GUCY1A2: variants seen among roughly 807,000 people sequenced by gnomAD.
GUCY1A2 encodes the protein guanylate cyclase soluble subunit alpha-2.
Under a neutral mutation model 63.5 loss-of-function variants are expected in GUCY1A2, and 27 were observed. The ratio of observed to expected loss-of-function variants is 0.43; its 90% CI spans 0.31 to 0.59. The LOEUF (loss-of-function observed/expected upper bound fraction) is 0.59, where lower values mean the gene tolerates loss of function less well. GUCY1A2 is among the 20% of genes least tolerant of loss of function. The pLI is 0.11. For synonymous variants in GUCY1A2, 364 were observed against 343.5 expected, an observed-to-expected ratio of 1.06 and a Z score of -0.66; for missense variants, 768 against 913.3, an observed-to-expected ratio of 0.84 and a Z score of 2.05.
intron 6 of GUCY1A2, among the ~76,000 whole-genome samples, chr11:106,775,927 G>A (rs1591271564): frequency 6.6e-6 from 1 of 152,210 alleles, no homozygotes; most frequent in East Asian, 1.9e-4. Context: ...CAACACACCA[G>A]GATCTGGACT....
chr11:106,699,198 G>T (rs1256305434), intron 7 of GUCY1A2, among the ~76,000 whole-genome samples: 4 of 152,096 alleles, frequency 2.6e-5, no homozygotes, highest in Non-Finnish European at 5.9e-5. Context: ...CTTCAGAAAG[G>T]ATTATTAAAG....
intron 6 of GUCY1A2, among the ~76,000 whole-genome samples, chr11:106,709,899 T>C (rs1227182219): frequency 4.2e-4 from 2 of 4,798 alleles, no homozygotes; most frequent in African/African-American, 7.4e-4. Flanking sequence ...TATATACACG[T>C]ATAGAATAGT....
intron 5 of GUCY1A2, among the ~76,000 whole-genome samples, chr11:106,805,202 C>T (rs1858665047): frequency 6.6e-6 from 1 of 152,052 alleles, no homozygotes; most frequent in Admixed American, 6.6e-5. Flanking sequence ...TGGGAATACT[C>T]CCCCTCTACC....
At chr11:106,796,403 G>A (rs1022663169) in intron 5 of GUCY1A2, among the ~76,000 whole-genome samples, 21 of 152,130 alleles carry the variant, frequency 1.4e-4, no homozygotes, top group Admixed American at 3.9e-4. Flanking sequence ...TCCTAGCATC[G>A]ATGGTCTTTA....
chr11:106,923,811 G>A (rs1860481975), intron 4 of GUCY1A2, among the ~76,000 whole-genome samples: 1 of 152,062 alleles, frequency 6.6e-6, no homozygotes, highest in Admixed American at 6.6e-5. Flanking sequence ...AGGTTGAGAA[G>A]TTTTAAAGTA....
intron 3 of GUCY1A2, among the ~76,000 whole-genome samples, chr11:106,941,297 C>A (rs1481457260): frequency 2.0e-5 from 3 of 151,998 alleles, no homozygotes; most frequent in African/African-American, 4.8e-5. Context: ...TAAGTGTGCA[C>A]AATGTATTCT....
At chr11:106,701,667 C>A (rs1027224079) in intron 7 of GUCY1A2, among the ~76,000 whole-genome samples, 2 of 152,058 alleles carry the variant, frequency 1.3e-5, no homozygotes, top group African/African-American at 2.4e-5. Flanking sequence ...TTAACAGATA[C>A]AAAATTTCAG....
intron 1 of GUCY1A2, among the ~76,000 whole-genome samples, chr11:107,004,852 G>A (rs758810296): frequency 3.9e-5 from 6 of 152,066 alleles, no homozygotes; most frequent in African/African-American, 9.7e-5. Context: ...ATGAGGAACC[G>A]AACAATAGTC....
chr11:106,891,858 T>C (rs565390044), intron 4 of GUCY1A2, among the ~76,000 whole-genome samples: 1 of 152,262 alleles, frequency 6.6e-6, no homozygotes, highest in South Asian at 2.1e-4. Flanking sequence ...GTTCTCTTCT[T>C]GAAGAAATGT....
intron 1 of GUCY1A2, among the ~76,000 whole-genome samples, chr11:107,017,371 C>T (rs564283094): frequency 1.3e-5 from 2 of 152,212 alleles, no homozygotes; most frequent in East Asian, 3.9e-4. Flanking sequence ...GGATGAAAGA[C>T]AGGGAAGCTG....
At chr11:106,948,718 A>C (rs544764670) in intron 3 of GUCY1A2, among the ~76,000 whole-genome samples, 1 of 152,308 alleles carries the variant, frequency 6.6e-6, no homozygotes, top group South Asian at 2.1e-4. Context: ...AAAGCATAAA[A>C]TTATGTCATT....
At chr11:106,704,782 ATTTC>A (rs1862878287) in intron 7 of GUCY1A2, among the ~76,000 whole-genome samples, 1 of 151,962 alleles carries the variant, frequency 6.6e-6, no homozygotes, top group African/African-American at 2.4e-5. Context: ...ATAAGCAATT[ATTTC>A]TGTTTTATAG....
At chr11:106,769,464 C>A (rs911499090) in intron 6 of GUCY1A2, among the ~76,000 whole-genome samples, 1 of 152,092 alleles carries the variant, frequency 6.6e-6, no homozygotes, top group Non-Finnish European at 1.5e-5. Context: ...TAGAATGAGG[C>A]ATTGATTATT....
chr11:106,790,624 G>T lies in GUCY1A2; in HGVS notation c.1693-14042C>A, dbSNP rs143824000. Reference sequence around the variant, plus strand: ...TCTCACTTGAAGCCAGTGCATCTTAGAGTCTTGCTTAAGGCCCACAGAATA... The same window carrying T: ...TCTCACTTGAAGCCAGTGCATCTTATAGTCTTGCTTAAGGCCCACAGAATA... On this transcript the variant is annotated intron_variant, in intron 5 of 7. Transcript: ENST00000526355. 2.6e-4 allele frequency among the ~76,000 whole-genome samples: 39 copies of T among 151,902 alleles called. No homozygotes were observed. The East Asian group carries it at 7.4e-3, about 29-fold the overall frequency.
intron 6 of GUCY1A2, among the ~76,000 whole-genome samples, chr11:106,726,669 T>C (rs936571672): frequency 6.6e-6 from 1 of 152,050 alleles, no homozygotes. Flanking sequence ...AGGAGAAAAA[T>C]TGATAAGACT....
intron 4 of GUCY1A2, among the ~76,000 whole-genome samples, chr11:106,851,227 A>C (rs1032921325): frequency 1.3e-5 from 2 of 151,190 alleles, no homozygotes; most frequent in African/African-American, 4.9e-5. Context: ...GATTTGTCTG[A>C]GTTCCTTGTA....
chr11:106,856,596 A>G (rs1003139044), intron 4 of GUCY1A2, among the ~76,000 whole-genome samples: 1 of 152,210 alleles, frequency 6.6e-6, no homozygotes, highest in Admixed American at 6.5e-5. Context: ...TCTATATCCT[A>G]TTACATTTAT....
chr11:107,002,486 A>G (rs1861623929), intron 1 of GUCY1A2, among the ~76,000 whole-genome samples: 1 of 152,148 alleles, frequency 6.6e-6, no homozygotes, highest in African/African-American at 2.4e-5. Flanking sequence ...TATAAGTAAA[A>G]CAAAACAAGC....
At position 106,939,851 on chromosome 11, in the gene GUCY1A2, G is replaced by T; in HGVS notation, c.815C>A (p.Ala272Glu). Residue 272 changes from alanine to glutamate, a missense_variant, in exon 4 of 8, where the codon GCA (alanine) becomes GAA (glutamate). By Grantham distance (107) the Ala-to-Glu change is moderately radical (BLOSUM62 -1). Around this residue, in one of 3 missense-constraint regions of GUCY1A2, gnomAD observed 496 missense variants for 486.9 expected, o/e 1.02. Coordinates refer to ENST00000526355, the MANE Select transcript of GUCY1A2 (RefSeq NM_000855.3). ...AACATCAGAGCATAGCTTCTCATTT[G>T]CAACCTGTTCCACTTCCACATCCAG... ...YRLDVEVEQV[A>E]NEKLCSDVSN... 1 of 1,613,996 alleles carries T rather than the reference G, an allele frequency of 6.2e-7. No homozygotes were observed. Among genetic ancestry groups the T allele is most frequent in the Non-Finnish European group, 8.5e-7 (1 of 1,179,888 alleles).
Sources: allele counts gnomAD v4.1 joint callset (sites outside exome capture counted in the v4.1 genomes callset), GRCh38; gene constraint gnomAD v4.1.1; regional missense constraint gnomAD v4.1.1; transcripts MANE v1.5; gene names NCBI Gene and HGNC (gene_info 2026-07-23, HGNC 2026-07-21).